NBEAL1: variants seen among roughly 807,000 people sequenced by gnomAD.
The protein encoded by NBEAL1 is neurobeachin-like protein 1.
In NBEAL1, 273 loss-of-function variants were observed where a neutral mutation model predicts 351.3. The observed-to-expected ratio is 0.78, with a 90% CI of 0.70 to 0.86. The LOEUF (loss-of-function observed/expected upper bound fraction) is 0.86, where lower values mean the gene tolerates loss of function less well. Ranked by LOEUF, NBEAL1 falls within the 40% of genes least tolerant of loss-of-function variation. The pLI is 0.00. For missense variants in NBEAL1, 2,961 were observed against 3,201.3 expected (o/e 0.92, Z 1.81); for synonymous variants, 1,050 against 1,086.4 (o/e 0.97, Z 0.66).
At chr2:203,123,325 CTTTTCTTTTCTT>C (rs1453278960) in intron 19 of NBEAL1, among the ~76,000 whole-genome samples, 2 of 148,278 alleles carry the variant, frequency 1.3e-5, no homozygotes, top group Non-Finnish European at 1.5e-5. Context: ...TGTTCTTTTT[CTTTTCTTTTCTT>C]TTTTCTTTTT....
intron 12 of NBEAL1, among the ~76,000 whole-genome samples, chr2:203,104,955 G>T (rs2062401542): frequency 6.6e-6 from 1 of 151,742 alleles, no homozygotes; most frequent in African/African-American, 2.4e-5. Flanking sequence ...TGCCTCCTGG[G>T]TTCAAGCAAT....
chr2:203,031,454 G>A (rs571159014), intron 2 of NBEAL1, among the ~76,000 whole-genome samples: 2 of 152,136 alleles, frequency 1.3e-5, no homozygotes, highest in East Asian at 3.8e-4. Flanking sequence ...GACATTTTGA[G>A]TGGTAGTTAA....
Position 203,213,607 on chromosome 2 carries a change from T to C in NBEAL1, c.8024T>C (p.Leu2675Ser). 1 of 1,614,096 alleles carries C rather than the reference T, an allele frequency of 6.2e-7. No individual in the cohort carries two copies. The highest frequency in any genetic ancestry group is 8.5e-7 in the Non-Finnish European group (1 of 1,179,938). ...TKEYSHILVG[L>S]EDGKLIVVGV... Reference sequence around the variant, plus strand: ...GAATACAGCCATATTCTTGTAGGTTTAGAAGATGGCAAATTGATTGTAGTG... The same window carrying C: ...GAATACAGCCATATTCTTGTAGGTTCAGAAGATGGCAAATTGATTGTAGTG... Residue 2675 changes from leucine to serine, a missense_variant, in exon 55 of 56, where the codon TTA (leucine) becomes TCA (serine). Transcript: ENST00000683969.
At chr2:203,054,061 C>G (rs984074443) in intron 4 of NBEAL1, among the ~76,000 whole-genome samples, 1 of 152,044 alleles carries the variant, frequency 6.6e-6, no homozygotes, top group South Asian at 2.1e-4. Flanking sequence ...AGTGATCCTC[C>G]CACCTCAGCC....
chr2:203,129,017 G>A (rs914799255), intron 24 of NBEAL1, among the ~76,000 whole-genome samples: 3 of 152,110 alleles, frequency 2.0e-5, no homozygotes, highest in African/African-American at 7.2e-5. Context: ...TTAAGTTAGT[G>A]GTTCTCTTTG....
intron 2 of NBEAL1, among the ~76,000 whole-genome samples, chr2:203,032,492 C>G (rs1324768487): frequency 6.6e-6 from 1 of 151,366 alleles, no homozygotes; most frequent in Non-Finnish European, 1.5e-5. Context: ...CCCGTCTCTA[C>G]TAAAAATGCA....
chr2:203,206,961 A>T (rs1409227983), intron 51 of NBEAL1, among the ~76,000 whole-genome samples: 3 of 147,154 alleles, frequency 2.0e-5, no homozygotes, highest in South Asian at 2.2e-4. Context: ...CGCCATCCCA[A>T]CTAGGAAGTG....
At chr2:203,030,305 G>C (rs1355195283) in intron 2 of NBEAL1, among the ~76,000 whole-genome samples, 2 of 152,116 alleles carry the variant, frequency 1.3e-5, no homozygotes, top group Non-Finnish European at 2.9e-5. Context: ...CAGAAACTTA[G>C]GTAAATGAAA....
chr2:203,053,609 A>G (rs1318186633), intron 4 of NBEAL1, among the ~76,000 whole-genome samples: 5 of 151,962 alleles, frequency 3.3e-5, no homozygotes, highest in Non-Finnish European at 5.9e-5. Flanking sequence ...TGCAGCCTCA[A>G]GTTATCCTCC....
intron 7 of NBEAL1, among the ~76,000 whole-genome samples, chr2:203,072,842 G>A (rs1393359274): frequency 1.3e-5 from 2 of 152,118 alleles, no homozygotes; most frequent in Non-Finnish European, 1.5e-5. Context: ...GGTCTTTGTT[G>A]TAGTAGCACT....
rs535369201 is a variant in NBEAL1, at chr2:203,141,326, C to G, written c.4848+2578C>G. Among the ~76,000 whole-genome samples, 307 of 129,618 alleles carry G rather than the reference C, an allele frequency of 2.4e-3. 1 individual carries two copies. Among genetic ancestry groups the G allele is most frequent in the African/African-American group, 8.1e-3 (288 of 35,400 alleles). The allele number at this position is 129,618 out of a possible 152,430, so 85.0% of individuals were successfully genotyped here. A position where few individuals can be genotyped will look rare whatever the true frequency, so the allele number is the denominator to read the frequency against. Reference sequence around the variant, plus strand: ...GGGCTTTATAAGTACAAGCACAGCACCTACAGATAAGACAGATTATTATTA... The same window carrying G: ...GGGCTTTATAAGTACAAGCACAGCAGCTACAGATAAGACAGATTATTATTA... On this transcript the variant is annotated intron_variant, in intron 31 of 55. Coordinates refer to ENST00000683969, the MANE Select transcript of NBEAL1 (RefSeq NM_001378026.1).
intron 45 of NBEAL1, among the ~76,000 whole-genome samples, chr2:203,189,624 C>G (rs1427827049): frequency 6.6e-6 from 1 of 151,938 alleles, no homozygotes; most frequent in East Asian, 1.9e-4. Context: ...AGGTCTCAAG[C>G]AGTCCTCCCG....
At chr2:203,118,293 T>C (rs1436401910) in intron 18 of NBEAL1, among the ~76,000 whole-genome samples, 4 of 151,778 alleles carry the variant, frequency 2.6e-5, no homozygotes, top group African/African-American at 9.7e-5. Flanking sequence ...ATCTAATATA[T>C]ACTCTGTGTT....
intron 53 of NBEAL1, among the ~76,000 whole-genome samples, chr2:203,209,644 GT>G (rs1229468008): frequency 4.6e-5 from 7 of 151,676 alleles, no homozygotes; most frequent in African/African-American, 1.7e-4. Context: ...ATAAGGCAGG[GT>G]ATAAATAAAC....
At chr2:203,020,670 C>CAA (rs201438851) in intron 2 of NBEAL1, among the ~76,000 whole-genome samples, 16 of 58,998 alleles carry the variant, frequency 2.7e-4, no homozygotes, top group Admixed American at 1.3e-3. Context: ...GACTCTGTCT[C>CAA]AAAAAAAAAA....
intron 18 of NBEAL1, among the ~76,000 whole-genome samples, chr2:203,116,789 C>CAAA (rs34559564): frequency 7.9e-5 from 8 of 100,676 alleles, no homozygotes; most frequent in East Asian, 2.9e-4. Flanking sequence ...GACCCTGTCT[C>CAAA]AAAAAAAAAA....
At chr2:203,066,988 A>G (rs1287831936) in intron 6 of NBEAL1, among the ~76,000 whole-genome samples, 20 of 91,438 alleles carry the variant, frequency 2.2e-4, no homozygotes, top group East Asian at 1.9e-3. Flanking sequence ...GGGCAGAGGC[A>G]CTCCTCACCT....
At chr2:203,139,919 T>C (rs1220321910) in intron 31 of NBEAL1, among the ~76,000 whole-genome samples, 1 of 152,146 alleles carries the variant, frequency 6.6e-6, no homozygotes. Context: ...TTTTTATTTA[T>C]ATTATTGTGA....
At position 203,016,863 on chromosome 2, in the gene NBEAL1, G is replaced by A. The variant is rs188099701; in HGVS notation, c.51+428G>A. Among the ~76,000 whole-genome samples the A allele has an allele frequency of 5.4e-3, 826 of 152,238 alleles. 11 individuals are homozygous for A. The highest frequency in any genetic ancestry group is 0.019 in the African/African-American group (775 of 41,528). Reference sequence around the variant, plus strand: ...ATCACAAGGTTATTGATTGAACTGCGTGCTGTGTGACTGCCACTAAGTTAG... The same window carrying A: ...ATCACAAGGTTATTGATTGAACTGCATGCTGTGTGACTGCCACTAAGTTAG... On this transcript the variant is annotated intron_variant, in intron 2 of 55. Transcript: ENST00000683969.
Sources: gnomAD v4.1 joint callset for allele counts (sites outside exome capture counted in the v4.1 genomes callset) on GRCh38, gnomAD v4.1.1 for gene constraint, MANE v1.5 for transcripts, NCBI Gene and HGNC (gene_info 2026-07-23, HGNC 2026-07-21) for gene names.